Variants in CCDC51 observed in about 807,000 individuals in gnomAD.
CCDC51 encodes the protein coiled-coil domain containing 51.
CCDC51 carries 25 observed loss-of-function variants against 24.8 expected under a neutral mutation model. The ratio of observed to expected loss-of-function variants is 1.01; its 90% CI spans 0.73 to 1.41. The LOEUF is 1.41. Ranked by LOEUF, CCDC51 falls within the 40% of genes most tolerant of loss-of-function variation. The pLI is 0.00. For synonymous variants in CCDC51, 190 were observed against 204.3 expected, an observed-to-expected ratio of 0.93 and a Z score of 0.60; for missense variants, 466 against 519.1, an observed-to-expected ratio of 0.90 and a Z score of 0.99.
upstream of CCDC51, chr3:48,440,667 C>G (rs753195009): frequency 1.3e-6 from 2 of 1,569,662 alleles, no homozygotes; most frequent in Non-Finnish European, 1.7e-6. Context: ...TGGCCAAACG[C>G]TATGAGCACC....
rs913697588 is a variant in CCDC51, at chr3:48,437,275, C to G, written c.-8-2139G>C. Among the ~76,000 whole-genome samples the G allele has an allele frequency of 2.6e-5, 4 of 152,160 alleles. No individual in the cohort carries two copies. Among genetic ancestry groups the G allele is most frequent in the African/African-American group, 9.7e-5 (4 of 41,430 alleles). ...CACTAGAACATAAGCTGGGTGACAACAGACTTCATAAGGGAATGTGGCAAT... is the reference window on the plus strand; with the variant it reads ...CACTAGAACATAAGCTGGGTGACAAGAGACTTCATAAGGGAATGTGGCAAT... On this transcript the variant is annotated intron_variant, in intron 1 of 3. Coordinates refer to ENST00000395694, the MANE Select transcript of CCDC51 (RefSeq NM_001256964.2). This position sits in a 1 kb window ranked among gnomAD's most constrained non-coding sequence, Gnocchi z 4.2.
chr3:48,440,294 G>A (rs756339808), upstream of CCDC51: 6 of 1,605,226 alleles, frequency 3.7e-6, no homozygotes, highest in Admixed American at 5.0e-5. Context: ...GGCGGCAGGC[G>A]CCATGTCCGG....
upstream of CCDC51, chr3:48,440,771 A>G (rs1386787880): frequency 4.0e-6 from 3 of 745,162 alleles, no homozygotes; most frequent in Non-Finnish European, 6.6e-6. Context: ...GTCTCTAGCC[A>G]GTCTAGGATT....
chr3:48,434,583 T>G (rs1445500198), intron 2 of CCDC51, among the ~76,000 whole-genome samples: 1 of 152,224 alleles, frequency 6.6e-6, no homozygotes, highest in Non-Finnish European at 1.5e-5. Flanking sequence ...TTTGCTGGCC[T>G]CACAGAGTGG....
In CCDC51 at chr3:48,433,127, C is replaced by T; in HGVS notation, c.517G>A (p.Asp173Asn). Residue 173 changes from aspartate (D) to asparagine (N), a missense_variant, in exon 4 of 4, where the codon GAC becomes AAC. Physicochemically the swap from Asp to Asn is conservative, Grantham distance 23 (BLOSUM62 1). Transcript: ENST00000395694. This position sits in a 1 kb window ranked among gnomAD's most constrained non-coding sequence, Gnocchi z 4.4. ...AGGGAGAACTTCTCTCGCTCAGAGT[C>T]TTCTGCACGCAGATAGGCTGTGCGA... ...RLRTAYLRAE[D>N]SEREKFSLFS... The T allele has an allele frequency of 2.5e-6, 4 of 1,613,720 alleles. No homozygotes were observed. Among genetic ancestry groups the T allele is most frequent in the Non-Finnish European group, 3.4e-6 (4 of 1,179,954 alleles).
chr3:48,438,551 T>A lies in CCDC51; in HGVS notation c.-9+1437A>T, dbSNP rs76172071. Reference sequence around the variant, plus strand: ...TCAACAACCTCGCATCACCCCTGATTCCTCATTTCTCTCCCACCTCACATC... The same window carrying A: ...TCAACAACCTCGCATCACCCCTGATACCTCATTTCTCTCCCACCTCACATC... On this transcript the variant is annotated intron_variant, in intron 1 of 3. Transcript: ENST00000395694. 8.9e-3 allele frequency among the ~76,000 whole-genome samples: 1,355 copies of A among 152,166 alleles called. 15 individuals carry two copies. Among genetic ancestry groups the A allele is most frequent in the African/African-American group, 0.031 (1,277 of 41,506 alleles).
At chr3:48,444,420 C>G (rs761569963), upstream of CCDC51, among the ~76,000 whole-genome samples, 1 of 152,044 alleles carries the variant, frequency 6.6e-6, no homozygotes, top group Admixed American at 6.6e-5. Flanking sequence ...TTACAGGCAC[C>G]CGCCACCATG....
At chr3:48,444,772 A>C (rs2039636071), upstream of CCDC51, among the ~76,000 whole-genome samples, 1 of 152,136 alleles carries the variant, frequency 6.6e-6, no homozygotes, top group Non-Finnish European at 1.5e-5. Context: ...ATGATCCTTC[A>C]AGTTGCTAGC....
In CCDC51 at chr3:48,432,975, G is replaced by A; in HGVS notation, c.669C>T (p.Asn223=). 1 of 1,614,182 alleles carries A rather than the reference G, an allele frequency of 6.2e-7. No homozygotes were observed. Among genetic ancestry groups the A allele is most frequent in the South Asian group, 1.1e-5 (1 of 91,084 alleles). Residue 223 remains asparagine, a synonymous_variant, in exon 4 of 4, where the codon AAC becomes AAT. Coordinates refer to ENST00000395694, the MANE Select transcript of CCDC51 (RefSeq NM_001256964.2). ...LIGVAGSTYV[N]RVRLQELKAL... is the part of the protein sequence containing the mutation. ...CCTTCAGCTCCTGTAGTCGCACACG[G>A]TTCACATAGGTGGAGCCAGCCACAC...
Position 48,434,904 on chromosome 3 carries a change from C to T in CCDC51, c.225G>A (p.Ala75=), listed in dbSNP as rs771455628. 7 of 1,614,242 alleles carry T rather than the reference C, an allele frequency of 4.3e-6. No homozygotes were observed. Among genetic ancestry groups the T allele is most frequent in the African/African-American group, 1.3e-5 (1 of 75,084 alleles). ...RALGHSIQQR[A]TSTAKTWWDR... The stretch of plus-strand genomic sequence containing the variant: ...CCCACCAAGTCTTGGCTGTGGAGGT[C>T]GCTCGTTGCTGAATGCTGTGCCCCA... The change falls in exon 2 of 4, where the codon GCG becomes GCA. Residue 75 remains alanine (A), a synonymous_variant. Transcript: ENST00000395694.
chr3:48,440,894 C>T, upstream of CCDC51: 2 of 543,574 alleles, frequency 3.7e-6, no homozygotes, highest in East Asian at 6.2e-5. Flanking sequence ...AATGTATTTA[C>T]CTCAGACGCA....
At position 48,434,909 on chromosome 3, in the gene CCDC51, G is replaced by T. The variant is rs760498722; in HGVS notation, c.220C>A (p.Arg74=). ...GRALGHSIQQ[R]ATSTAKTWWD... ...CAAGTCTTGGCTGTGGAGGTCGCTC[G>T]TTGCTGAATGCTGTGCCCCAGGGCT... Residue 74 remains arginine (R), a synonymous_variant, in exon 2 of 4, where the codon CGA becomes AGA. Coordinates refer to ENST00000395694, the MANE Select transcript of CCDC51 (RefSeq NM_001256964.2). 3.1e-6 allele frequency: 5 copies of T among 1,614,100 alleles called. No individual in the cohort carries two copies. The highest frequency in any genetic ancestry group is 4.2e-6 in the Non-Finnish European group (5 of 1,180,042).
In CCDC51 at chr3:48,432,665, G is replaced by T; in HGVS notation, c.979C>A (p.Leu327Ile). The T allele has an allele frequency of 6.2e-7, 1 of 1,614,228 alleles. No homozygotes were observed. The highest frequency in any genetic ancestry group is 8.5e-7 in the Non-Finnish European group (1 of 1,180,054). ...LEGLREQLDG[L>I]EKTCSQMAGV... is the part of the protein sequence containing the mutation. ...GCCATTTGGCTACAAGTCTTTTCTA[G>T]GCCATCAAGCTGCTCTCGTAAGCCT... The change falls in exon 4 of 4, where the codon CTA becomes ATA. Residue 327 changes from leucine to isoleucine, a missense_variant. Physicochemically the swap from Leu to Ile is conservative, Grantham distance 5 (BLOSUM62 2). Coordinates refer to ENST00000395694, the MANE Select transcript of CCDC51 (RefSeq NM_001256964.2).
chr3:48,439,563 C>T (rs940409515), intron 1 of CCDC51, among the ~76,000 whole-genome samples: 1 of 151,740 alleles, frequency 6.6e-6, no homozygotes, highest in Non-Finnish European at 1.5e-5. Context: ...ACCCAGGAAG[C>T]AGAGGTTGCA....
chr3:48,440,480 C>G, upstream of CCDC51: 3 of 1,607,930 alleles, frequency 1.9e-6, no homozygotes, highest in Non-Finnish European at 2.5e-6. Flanking sequence ...CGCGGAGGCA[C>G]TGGCGGGTGC....
upstream of CCDC51, chr3:48,440,158 T>C: frequency 1.4e-6 from 2 of 1,420,702 alleles, no homozygotes; most frequent in Non-Finnish European, 1.9e-6. Flanking sequence ...TACCCGCCCC[T>C]GGAGCGCCGC....
At position 48,440,070 on chromosome 3, in the gene CCDC51, G is replaced by A. The variant is rs1021292845; in HGVS notation, c.-91C>T. 16 of 697,500 alleles carry A rather than the reference G, an allele frequency of 2.3e-5. No homozygotes were observed. Among genetic ancestry groups the A allele is most frequent in the Non-Finnish European group, 3.4e-5 (15 of 436,268 alleles). The allele number at this position is 697,500 out of a possible 1,614,324, so 43.2% of individuals were successfully genotyped here. ...CCTCCTACGGTTCCGATTCTACCCT[G>A]GCAGGACAACCCTAGCTCCTCGTAC... On this transcript the variant is annotated 5_prime_UTR_variant, in exon 1 of 4. Transcript: ENST00000395694.
At chr3:48,440,391 T>C (rs1182321789), upstream of CCDC51, 9 of 1,611,808 alleles carry the variant, frequency 5.6e-6, no homozygotes, top group Non-Finnish European at 7.6e-6. Context: ...AACGTGCTCG[T>C]GTCGCCCACA....
At chr3:48,438,517 A>G (rs747661735) in intron 1 of CCDC51, among the ~76,000 whole-genome samples, 2 of 152,018 alleles carry the variant, frequency 1.3e-5, no homozygotes, top group Non-Finnish European at 2.9e-5. Flanking sequence ...CCAAGTTCAA[A>G]TATTCAGATC....
Sources: gnomAD v4.1 joint callset for allele counts (sites outside exome capture counted in the v4.1 genomes callset) on GRCh38, gnomAD v4.1.1 for gene constraint, Gnocchi (gnomAD v3.1) non-coding constraint, MANE v1.5 for transcripts, NCBI Gene and HGNC (gene_info 2026-07-23, HGNC 2026-07-21) for gene names.